DGKI: variants seen among roughly 807,000 people sequenced by gnomAD.
DGKI encodes diacylglycerol kinase iota.
DGKI carries 55 observed loss-of-function variants against 147.5 expected under a neutral mutation model. The observed-to-expected ratio is 0.37, with a 90% CI of 0.30 to 0.47. The LOEUF is 0.47. Ranked by LOEUF, DGKI falls within the 20% of genes least tolerant of loss-of-function variation. The probability of loss-of-function intolerance (pLI) is 1.00; values close to 1 mark genes in which losing one functional copy is unlikely to be tolerated. For synonymous variants in DGKI, 469 were observed against 477.1 expected, an observed-to-expected ratio of 0.98 and a Z score of 0.22; for missense variants, 1,007 against 1,323.8, an observed-to-expected ratio of 0.76 and a Z score of 3.71.
At chr7:137,612,565 GTA>G (rs1169267498) in intron 8 of DGKI, among the ~76,000 whole-genome samples, 2 of 152,004 alleles carry the variant, frequency 1.3e-5, no homozygotes, top group Non-Finnish European at 2.9e-5. Context: ...GGCAGATTTT[GTA>G]TATGTTTTGA....
At chr7:137,565,312 T>A (rs1818547532) in intron 19 of DGKI, among the ~76,000 whole-genome samples, 1 of 152,084 alleles carries the variant, frequency 6.6e-6, no homozygotes, top group Admixed American at 6.5e-5. Context: ...AATGTAAAAA[T>A]AAAGCAATTA....
At position 137,824,547 on chromosome 7, in the gene DGKI, G is replaced by T. The variant is rs1384531836; in HGVS notation, c.401+21915C>A. The stretch of plus-strand genomic sequence containing the variant: ...AAAAAAAAGAAAAAGAAAAGAAAAT[G>T]GAATTATTGGGTTTTATTTAAAGCC... On this transcript the variant is annotated intron_variant, in intron 1 of 32. Coordinates refer to ENST00000614521, the MANE Select transcript of DGKI (RefSeq NM_001321708.2). 8.3e-5 allele frequency among the ~76,000 whole-genome samples: 12 copies of T among 144,920 alleles called. 1 individual carries two copies. Among genetic ancestry groups the T allele is most frequent in the East Asian group, 7.8e-4 (4 of 5,126 alleles).
chr7:137,620,128 T>C (rs550695050), intron 7 of DGKI, among the ~76,000 whole-genome samples, 188 bp from the exon 8 acceptor site: 11 of 151,992 alleles, frequency 7.2e-5, no homozygotes, highest in African/African-American at 2.7e-4. Context: ...GAGGACATGC[T>C]TTCCTCATCA....
chr7:137,639,412 C>G (rs117926651), intron 6 of DGKI, among the ~76,000 whole-genome samples: 1 of 152,174 alleles, frequency 6.6e-6, no homozygotes, highest in Non-Finnish European at 1.5e-5. Flanking sequence ...CATTTGCTTG[C>G]GTACCTGGAA....
intron 1 of DGKI, among the ~76,000 whole-genome samples, chr7:137,813,761 TA>T (rs1375247718): frequency 1.3e-5 from 2 of 152,236 alleles, no homozygotes; most frequent in African/African-American, 4.8e-5. Flanking sequence ...GGCAAGATTT[TA>T]ACCCACTCAA....
intron 3 of DGKI, among the ~76,000 whole-genome samples, chr7:137,656,866 G>A (rs1585336118): frequency 6.6e-6 from 1 of 152,158 alleles, no homozygotes; most frequent in South Asian, 2.1e-4. Flanking sequence ...CTAAGTTTCA[G>A]AACCTTACAA....
chr7:137,770,042 T>C (rs1423850674), intron 1 of DGKI, among the ~76,000 whole-genome samples: 1 of 152,250 alleles, frequency 6.6e-6, no homozygotes, highest in African/African-American at 2.4e-5. Context: ...ACCGCAGCAC[T>C]ATTTACAATA....
At chr7:137,488,783 A>T (rs190681332) in intron 21 of DGKI, among the ~76,000 whole-genome samples, 4 of 152,296 alleles carry the variant, frequency 2.6e-5, no homozygotes, top group African/African-American at 9.6e-5. Context: ...TAAAATGCAT[A>T]AAAAACCTTG....
intron 27 of DGKI, among the ~76,000 whole-genome samples, chr7:137,456,136 T>C (rs1814196861): frequency 6.6e-6 from 1 of 152,168 alleles, no homozygotes; most frequent in African/African-American, 2.4e-5. Context: ...CAACTTCCTA[T>C]ACCGACCATA....
At chr7:137,642,414 A>T (rs1417058551) in intron 6 of DGKI, among the ~76,000 whole-genome samples, 1 of 152,170 alleles carries the variant, frequency 6.6e-6, no homozygotes, top group East Asian at 1.9e-4. Context: ...GCTCTCTGAC[A>T]TTAGTCACAG....
intron 1 of DGKI, among the ~76,000 whole-genome samples, chr7:137,703,852 G>T (rs772478203): frequency 6.6e-6 from 1 of 152,136 alleles, no homozygotes; most frequent in African/African-American, 2.4e-5. Flanking sequence ...AAACAAGAAA[G>T]TATCACGCAT....
rs28544328 is a variant in DGKI at position 137,708,360 on chromosome 7, G to A, written c.402-18358C>T. ...AAGCAATATCTTCTCTCCCATTCTC[G>A]CTTTATATTAATTTACAGGAGTGGA... On this transcript the variant is annotated intron_variant, in intron 1 of 32. Transcript: ENST00000614521. Among the ~76,000 whole-genome samples the A allele has an allele frequency of 9.4e-3, 1,423 of 152,182 alleles. 13 individuals carry two copies. The highest frequency in any genetic ancestry group is 0.032 in the African/African-American group (1,339 of 41,532).
In DGKI at chr7:137,397,426, A is replaced by T. The variant is rs775419907; in HGVS notation, c.2921-13T>A. The T allele has an allele frequency of 6.2e-7, 1 of 1,611,180 alleles. No individual in the cohort carries two copies. The highest frequency in any genetic ancestry group is 1.3e-5 in the African/African-American group (1 of 74,998). On this transcript the variant is annotated splice_polypyrimidine_tract_variant and intron_variant, in intron 30 of 32. Coordinates refer to ENST00000614521, the MANE Select transcript of DGKI (RefSeq NM_001321708.2). ...AACTCGGAAGGTCCTAAATAAGAAG[A>T]AAGCAAGATGACCGTCAAAAATAAG...
In DGKI at chr7:137,386,594, G is replaced by C. The variant is rs189658656; in HGVS notation, c.*4626C>G. 6.6e-6 allele frequency: 1 copy of C among 152,058 alleles called. No individual in the cohort carries two copies. Among genetic ancestry groups the C allele is most frequent in the Non-Finnish European group, 1.5e-5 (1 of 67,986 alleles). The allele number at this position is 152,058 out of a possible 1,614,324, so 9.4% of individuals were successfully genotyped here. On this transcript the variant is annotated 3_prime_UTR_variant, in exon 33 of 33. Transcript: ENST00000614521. Reference sequence around the variant, plus strand: ...ATCTGGGGAAGATTTTTGCAACTGCGTGACAAAATTATTGACAGTAGTAGG... The same window carrying C: ...ATCTGGGGAAGATTTTTGCAACTGCCTGACAAAATTATTGACAGTAGTAGG...
rs1811325777 is a variant in DGKI at position 137,390,675 on chromosome 7, T to C, written c.*545A>G. 6.5e-6 allele frequency: 1 copy of C among 154,780 alleles called. No homozygotes were observed. The highest frequency in any genetic ancestry group is 1.4e-5 in the Non-Finnish European group (1 of 69,462). 9.6% of individuals were successfully genotyped at this position (154,780 alleles called of 1,614,324 possible). A position where few individuals can be genotyped will look rare whatever the true frequency, so the allele number is the denominator to read the frequency against. On this transcript the variant is annotated 3_prime_UTR_variant, in exon 33 of 33. Transcript: ENST00000614521. ...AGAGAGAGTCACTAAATAGTCTTGATATATTTAGTCTTAGAAATGGAAGTG... is the reference window on the plus strand; with the variant it reads ...AGAGAGAGTCACTAAATAGTCTTGACATATTTAGTCTTAGAAATGGAAGTG...
chr7:137,505,136 G>T (rs1816322599), intron 21 of DGKI, among the ~76,000 whole-genome samples: 1 of 109,944 alleles, frequency 9.1e-6, no homozygotes. Flanking sequence ...GGGGTGGGGG[G>T]ATGGGGGAGG....
chr7:137,597,928 A>G, intron 11 of DGKI, 21 bp from the exon 12 acceptor site: 5 of 1,606,566 alleles, frequency 3.1e-6, no homozygotes, highest in Non-Finnish European at 4.3e-6. Flanking sequence ...AATAGAAGAA[A>G]AAGTAAACAA....
intron 14 of DGKI, among the ~76,000 whole-genome samples, chr7:137,584,650 T>C (rs1819322069): frequency 6.6e-6 from 1 of 152,204 alleles, no homozygotes; most frequent in African/African-American, 2.4e-5. Context: ...CATCATATAA[T>C]ATATCCATGA....
At chr7:137,707,991 A>G (rs898244543) in intron 1 of DGKI, among the ~76,000 whole-genome samples, 3 of 152,168 alleles carry the variant, frequency 2.0e-5, no homozygotes, top group African/African-American at 7.2e-5. Context: ...CTAGACCCCT[A>G]TCCCTAAGGT....
Sources: gnomAD v4.1 joint callset for allele counts (sites outside exome capture counted in the v4.1 genomes callset) on GRCh38, gnomAD v4.1.1 for gene constraint, MANE v1.5 for transcripts, NCBI Gene and HGNC (gene_info 2026-07-23, HGNC 2026-07-21) for gene names.